Variants in ANKS1B observed in about 807,000 individuals in gnomAD.
ANKS1B encodes ankyrin repeat and sterile alpha motif domain-containing protein 1B.
ANKS1B carries 36 observed loss-of-function variants against 148.3 expected under a neutral mutation model. That is an observed-to-expected ratio of 0.24 (90% CI 0.19 to 0.32). The LOEUF (loss-of-function observed/expected upper bound fraction) is 0.32, where lower values mean the gene tolerates loss of function less well. Ranked by LOEUF, ANKS1B falls within the 10% of genes least tolerant of loss-of-function variation. The probability of loss-of-function intolerance (pLI) is 1.00; values close to 1 mark genes in which losing one functional copy is unlikely to be tolerated. For synonymous variants in ANKS1B, 542 were observed against 560.8 expected (o/e 0.97, Z 0.47); for missense variants, 1,157 against 1,542.6 (o/e 0.75, Z 4.19).
At chr12:98,883,507 G>A (rs990723300) in intron 17 of ANKS1B, among the ~76,000 whole-genome samples, 11 of 152,158 alleles carry the variant, frequency 7.2e-5, no homozygotes, top group African/African-American at 2.7e-4. Flanking sequence ...GGCTTCACAG[G>A]AATCCAAACC....
intron 10 of ANKS1B, among the ~76,000 whole-genome samples, chr12:99,451,893 T>C (rs960107016): frequency 9.2e-5 from 14 of 152,240 alleles, no homozygotes; most frequent in Middle Eastern, 3.4e-3. Flanking sequence ...TATATGAATA[T>C]AATCATAATA....
chr12:98,836,798 T>C (rs2099366063), intron 17 of ANKS1B, among the ~76,000 whole-genome samples: 1 of 152,150 alleles, frequency 6.6e-6, no homozygotes, highest in Admixed American at 6.6e-5. Flanking sequence ...AAAATAATGG[T>C]AATATATTGG....
intron 17 of ANKS1B, among the ~76,000 whole-genome samples, chr12:98,975,218 C>T (rs2099892088): frequency 7.0e-6 from 1 of 142,524 alleles, no homozygotes; most frequent in Non-Finnish European, 1.5e-5. Flanking sequence ...TTCTTTCCTT[C>T]CTCCCTCCCA....
At chr12:99,745,366 T>C (rs996922289) in intron 8 of ANKS1B, among the ~76,000 whole-genome samples, 3 of 152,178 alleles carry the variant, frequency 2.0e-5, no homozygotes, top group African/African-American at 7.2e-5. Context: ...CTCATCTTCA[T>C]CAGATTTCAG....
intron 19 of ANKS1B, among the ~76,000 whole-genome samples, chr12:98,810,122 A>G (rs1034942740): frequency 6.6e-6 from 1 of 152,240 alleles, no homozygotes; most frequent in African/African-American, 2.4e-5. Context: ...ATGCTGATTG[A>G]CCCTTAGCCC....
chr12:99,885,852 G>A (rs547289324), intron 1 of ANKS1B, among the ~76,000 whole-genome samples: 1 of 152,154 alleles, frequency 6.6e-6, no homozygotes, highest in Non-Finnish European at 1.5e-5. Flanking sequence ...AGAACATATG[G>A]TATTTGGTTT....
At chr12:99,826,147 A>G (rs1301062594) in intron 1 of ANKS1B, among the ~76,000 whole-genome samples, 1 of 152,244 alleles carries the variant, frequency 6.6e-6, no homozygotes, top group African/African-American at 2.4e-5. Context: ...TATCAAAACT[A>G]TCAAAGATAA....
chr12:99,095,473 C>T (rs1362024912), intron 15 of ANKS1B, among the ~76,000 whole-genome samples: 3 of 152,188 alleles, frequency 2.0e-5, no homozygotes, highest in Non-Finnish European at 2.9e-5. Context: ...AAGGTGACAG[C>T]GATGGGCCCA....
intron 9 of ANKS1B, among the ~76,000 whole-genome samples, chr12:99,590,138 G>A (rs2097685599): frequency 6.6e-6 from 1 of 151,794 alleles, no homozygotes; most frequent in Non-Finnish European, 1.5e-5. Context: ...TTCCAATTTT[G>A]AGCACATATA....
intron 15 of ANKS1B, among the ~76,000 whole-genome samples, chr12:99,139,381 C>CCTTTCTTTCTTTCTTT (rs1172790560): frequency 3.0e-3 from 1 of 336 alleles, no homozygotes; most frequent in Non-Finnish European, 4.2e-3. Context: ...CTCCCTCCCT[C>CCTTTCTTTCTTTCTTT]CTTTCTTTCT....
At chr12:98,814,413 T>C (rs1566810079) in intron 19 of ANKS1B, among the ~76,000 whole-genome samples, 2 of 152,222 alleles carry the variant, frequency 1.3e-5, no homozygotes, top group South Asian at 2.1e-4. Context: ...ACTACCGTTA[T>C]CCGTTATCAT....
intron 14 of ANKS1B, among the ~76,000 whole-genome samples, chr12:99,238,602 C>T (rs917498178): frequency 1.3e-5 from 2 of 152,212 alleles, no homozygotes; most frequent in Non-Finnish European, 2.9e-5. Flanking sequence ...CAGACTGCCT[C>T]CTCAAGCAGG....
At chr12:99,754,010 C>CA (rs1228740844) in intron 8 of ANKS1B, among the ~76,000 whole-genome samples, 3 of 151,626 alleles carry the variant, frequency 2.0e-5, no homozygotes, top group Non-Finnish European at 4.4e-5. Flanking sequence ...GCAACAAGAG[C>CA]AAAACTCCAT....
Position 99,429,142 on chromosome 12 carries a change from GAAAC to G in ANKS1B, c.1575+14527_1575+14530del, listed in dbSNP as rs373490843. ...ACAAATGTATACACATTTCAGAAGAGAAACAAACAAACAAACAAACAAACAAACG... is the reference window on the plus strand; with the variant it reads ...ACAAATGTATACACATTTCAGAAGAGAAACAAACAAACAAACAAACAAACG... On this transcript the variant is annotated intron_variant, in intron 11 of 26. Transcript: ENST00000683438. Among the ~76,000 whole-genome samples the G allele has an allele frequency of 5.8e-3, 883 of 151,992 alleles. 17 individuals are homozygous for G. Among genetic ancestry groups the G allele is most frequent in the South Asian group, 0.044 (209 of 4,786 alleles).
chr12:99,737,271 AC>A (rs1277214429), intron 8 of ANKS1B, among the ~76,000 whole-genome samples: 3 of 152,152 alleles, frequency 2.0e-5, no homozygotes, highest in African/African-American at 7.2e-5. Context: ...AACAGCAAAG[AC>A]ATGGAATCAA....
At chr12:99,968,783 C>T (rs2095522250) in intron 1 of ANKS1B, among the ~76,000 whole-genome samples, 1 of 152,076 alleles carries the variant, frequency 6.6e-6, no homozygotes, top group South Asian at 2.1e-4. Flanking sequence ...TTAGCAGCAT[C>T]CCCTTGGTGA....
At chr12:99,496,409 G>T (rs762108354) in intron 10 of ANKS1B, among the ~76,000 whole-genome samples, 1 of 152,120 alleles carries the variant, frequency 6.6e-6, no homozygotes, top group Non-Finnish European at 1.5e-5. Flanking sequence ...ATGCAAGTGA[G>T]TCACCACTAT....
chr12:99,884,487 G>T (rs1053783311), intron 1 of ANKS1B, among the ~76,000 whole-genome samples: 2 of 152,144 alleles, frequency 1.3e-5, no homozygotes, highest in African/African-American at 4.8e-5. Context: ...AATAAAAAAT[G>T]CATATGTCCT....
intron 11 of ANKS1B, among the ~76,000 whole-genome samples, chr12:99,421,846 C>T (rs2152714954): frequency 6.6e-6 from 1 of 152,180 alleles, no homozygotes. Flanking sequence ...TGGGGCAAAT[C>T]CTTCATGTCT....
Sources: allele counts gnomAD v4.1 joint callset (sites outside exome capture counted in the v4.1 genomes callset), GRCh38; gene constraint gnomAD v4.1.1; transcripts MANE v1.5; gene names NCBI Gene and HGNC (gene_info 2026-07-23, HGNC 2026-07-21).